The following ATP6V0D2 variants were observed in gnomAD, a reference collection of about 807,000 sequenced individuals.
The protein encoded by ATP6V0D2 is V-type proton ATPase subunit d 2.
ATP6V0D2 carries 40 observed loss-of-function variants against 40.0 expected under a neutral mutation model. The observed-to-expected ratio is 1.00, with a 90% CI of 0.78 to 1.30. The LOEUF (loss-of-function observed/expected upper bound fraction) is 1.30, where lower values mean the gene tolerates loss of function less well. Ranked by LOEUF, ATP6V0D2 falls within the 50% of genes most tolerant of loss-of-function variation. The pLI is 0.00. For synonymous variants in ATP6V0D2, 179 were observed against 156.3 expected (o/e 1.15, Z -1.08); for missense variants, 470 against 423.1 (o/e 1.11, Z -0.97).
chr8:86,112,127 T>G (rs1425169249), intron 1 of ATP6V0D2, among the ~76,000 whole-genome samples: 1 of 152,254 alleles, frequency 6.6e-6, no homozygotes, highest in Non-Finnish European at 1.5e-5. Flanking sequence ...TGTTGGGTTC[T>G]GCATAAGGAG....
chr8:86,145,272 A>AG (rs1208977777), intron 5 of ATP6V0D2, among the ~76,000 whole-genome samples: 1 of 89,672 alleles, frequency 1.1e-5, no homozygotes, highest in Admixed American at 1.2e-4. Context: ...AAAGAAAGAA[A>AG]GAAAGAAAGA....
chr8:86,144,550 C>T (rs942100228), intron 5 of ATP6V0D2, among the ~76,000 whole-genome samples: 6 of 152,182 alleles, frequency 3.9e-5, no homozygotes, highest in Non-Finnish European at 8.8e-5. Flanking sequence ...ACTAGCTCCC[C>T]TCAAAACATC....
intron 2 of ATP6V0D2, among the ~76,000 whole-genome samples, chr8:86,136,511 TTAAA>T (rs1818899690): frequency 6.6e-6 from 1 of 152,214 alleles, no homozygotes; most frequent in Non-Finnish European, 1.5e-5. Context: ...AAAGGGACAG[TTAAA>T]TAAGCACTTC....
At chr8:86,101,657 A>G (rs139202493) in intron 1 of ATP6V0D2, among the ~76,000 whole-genome samples, 22 of 152,238 alleles carry the variant, frequency 1.4e-4, no homozygotes, top group Middle Eastern at 3.4e-3. Flanking sequence ...TGAATCTGGT[A>G]TCTTCATTTT....
intron 1 of ATP6V0D2, among the ~76,000 whole-genome samples, chr8:86,101,350 C>G (rs929868446): frequency 1.3e-5 from 2 of 149,610 alleles, no homozygotes; most frequent in African/African-American, 4.9e-5. Flanking sequence ...GTCCCAGCTG[C>G]TTGGGAGGCT....
intron 2 of ATP6V0D2, among the ~76,000 whole-genome samples, chr8:86,124,832 A>C (rs1405744779): frequency 6.6e-6 from 1 of 152,258 alleles, no homozygotes; most frequent in Non-Finnish European, 1.5e-5. Flanking sequence ...GTGACTACAT[A>C]GATCACACTC....
intron 2 of ATP6V0D2, among the ~76,000 whole-genome samples, chr8:86,126,157 G>A (rs1481147467): frequency 6.8e-6 from 1 of 145,994 alleles, no homozygotes; most frequent in African/African-American, 2.5e-5. Context: ...GGCTGGTCTC[G>A]AACTCCTGAC....
intron 1 of ATP6V0D2, among the ~76,000 whole-genome samples, chr8:86,113,373 T>C (rs1026909916): frequency 1.3e-5 from 2 of 152,040 alleles, no homozygotes; most frequent in South Asian, 2.1e-4. Context: ...CCCCAGTTAC[T>C]TGGGAGGCTG....
In ATP6V0D2 at chr8:86,153,250, T is replaced by C. The variant is rs1374309548; in HGVS notation, c.*273T>C. The C allele has an allele frequency of 1.4e-5, 3 of 220,850 alleles. No homozygotes were observed. The highest frequency in any genetic ancestry group is 6.8e-5 in the African/African-American group (3 of 44,152). 13.7% of individuals were successfully genotyped at this position (220,850 alleles called of 1,614,324 possible). A position where few individuals can be genotyped will look rare whatever the true frequency, so the allele number is the denominator to read the frequency against. ...AATTAACTCTATGGTATTTTTCTTATTCTTGTTTGATCATGTTAAAAATTG... is the reference window on the plus strand; with the variant it reads ...AATTAACTCTATGGTATTTTTCTTACTCTTGTTTGATCATGTTAAAAATTG... On this transcript the variant is annotated 3_prime_UTR_variant, in exon 8 of 8. Coordinates refer to ENST00000285393, the MANE Select transcript of ATP6V0D2 (RefSeq NM_152565.1).
chr8:86,148,150 A>G (rs2721247), intron 5 of ATP6V0D2, among the ~76,000 whole-genome samples: 130,668 of 151,808 alleles, frequency 0.86, 56,411 homozygotes, highest in Middle Eastern at 0.92. Flanking sequence ...AAGAACATCT[A>G]TGACAATTAC....
intron 2 of ATP6V0D2, among the ~76,000 whole-genome samples, chr8:86,134,465 G>A (rs1818869349): frequency 6.6e-6 from 1 of 152,080 alleles, no homozygotes; most frequent in South Asian, 2.1e-4. Flanking sequence ...CACAGTTGAA[G>A]CAAAAATCAT....
In ATP6V0D2 at chr8:86,153,132, C is replaced by A; in HGVS notation, c.*155C>A. 1 of 536,312 alleles carries A rather than the reference C, an allele frequency of 1.9e-6. No individual in the cohort carries two copies. The highest frequency in any genetic ancestry group is 3.9e-5 in the South Asian group (1 of 25,350). The allele number at this position is 536,312 out of a possible 1,614,324, so 33.2% of individuals were successfully genotyped here. A position where few individuals can be genotyped will look rare whatever the true frequency, so the allele number is the denominator to read the frequency against. On this transcript the variant is annotated 3_prime_UTR_variant, in exon 8 of 8. Transcript: ENST00000285393. ...AATCCATGGAAACACAGTAAACCAG[C>A]CCTGAAACAAAGCATTTCCTTGTTT...
At chr8:86,132,200 G>T in intron 2 of ATP6V0D2, among the ~76,000 whole-genome samples, 1 of 151,878 alleles carries the variant, frequency 6.6e-6, no homozygotes, top group East Asian at 1.9e-4. Context: ...TTAGTGTGTT[G>T]TTTTTTTAAT....
At chr8:86,104,523 A>G (rs570686436) in intron 1 of ATP6V0D2, among the ~76,000 whole-genome samples, 1 of 152,280 alleles carries the variant, frequency 6.6e-6, no homozygotes, top group African/African-American at 2.4e-5. Context: ...AGTGGGATAA[A>G]TTTTAAAAAT....
At chr8:86,105,027 C>T (rs1009475953) in intron 1 of ATP6V0D2, among the ~76,000 whole-genome samples, 5 of 152,164 alleles carry the variant, frequency 3.3e-5, no homozygotes, top group African/African-American at 9.7e-5. Flanking sequence ...TCCTGGAAAG[C>T]GACCATCTCC....
intron 1 of ATP6V0D2, among the ~76,000 whole-genome samples, chr8:86,106,046 A>C (rs1486978588): frequency 1.3e-5 from 2 of 152,148 alleles, no homozygotes; most frequent in African/African-American, 4.8e-5. Flanking sequence ...TATTGGGTTC[A>C]AGTCCTGGAT....
intron 1 of ATP6V0D2, among the ~76,000 whole-genome samples, chr8:86,103,849 A>T (rs1818433102): frequency 6.6e-6 from 1 of 152,000 alleles, no homozygotes; most frequent in South Asian, 2.1e-4. Context: ...TTTTTGAGAC[A>T]GAGTCTCACT....
intron 1 of ATP6V0D2, among the ~76,000 whole-genome samples, chr8:86,108,446 T>A (rs1818495385): frequency 6.6e-6 from 1 of 152,204 alleles, no homozygotes; most frequent in Non-Finnish European, 1.5e-5. Flanking sequence ...CAGACAACCT[T>A]GTTTAATCCC....
Position 86,118,672 on chromosome 8 carries a change from G to C in ATP6V0D2, c.302+4792G>C, listed in dbSNP as rs16886487. ...AAAATACCTGGCATGGATAATTATG[G>C]AAACAGTAAAGATTCCTGAGCTGAA... On this transcript the variant is annotated intron_variant, in intron 2 of 7. Transcript: ENST00000285393. Among the ~76,000 whole-genome samples, 403 of 152,222 alleles carry C rather than the reference G, an allele frequency of 2.6e-3. 9 individuals are homozygous for C. The South Asian group carries it at 0.043, about 16-fold the overall frequency.
Sources: allele counts gnomAD v4.1 joint callset (sites outside exome capture counted in the v4.1 genomes callset), GRCh38; gene constraint gnomAD v4.1.1; transcripts MANE v1.5; gene names NCBI Gene and HGNC (gene_info 2026-07-23, HGNC 2026-07-21).